The following BRSK2 variants were observed in gnomAD, a reference collection of about 807,000 sequenced individuals.
BRSK2 encodes the protein BR serine/threonine kinase 2, also known as serine/threonine-protein kinase BRSK2.
A neutral mutation model predicts 83.3 loss-of-function variants in BRSK2; 19 were observed. That is an observed-to-expected ratio of 0.23 (90% CI 0.16 to 0.33). The LOEUF is 0.33. Among genes scored for constraint, BRSK2 ranks in the 10% least tolerant of loss-of-function variants. BRSK2 has a pLI of 1.00. For synonymous variants in BRSK2, 519 were observed against 435.4 expected, an observed-to-expected ratio of 1.19 and a Z score of -2.39; for missense variants, 798 against 1,042.3, an observed-to-expected ratio of 0.77 and a Z score of 3.23.
Position 1,459,246 on chromosome 11 carries a change from A to G in BRSK2, c.1987+7A>G, listed in dbSNP as rs896054676. The G allele has an allele frequency of 2.5e-6, 4 of 1,613,404 alleles. No homozygotes were observed. The highest frequency in any genetic ancestry group is 3.4e-6 in the Non-Finnish European group (4 of 1,179,738). ...GGGCGGCTTTCCAAATGTGGTAAGA[A>G]TCCCCCACGCTCACCTGGCACCTCC... On this transcript the variant is annotated splice_region_variant and intron_variant, in intron 19 of 19. Transcript: ENST00000528841.
chr11:1,404,363 C>T (rs918731804), intron 1 of BRSK2, among the ~76,000 whole-genome samples: 4 of 152,162 alleles, frequency 2.6e-5, no homozygotes, highest in African/African-American at 9.7e-5. Flanking sequence ...GGAGTGGCCA[C>T]GGGAGGAGGC....
At chr11:1,456,063 C>G (rs1846490699) in intron 16 of BRSK2, among the ~76,000 whole-genome samples, 1 of 152,200 alleles carries the variant, frequency 6.6e-6, no homozygotes, top group Non-Finnish European at 1.5e-5. Flanking sequence ...CTTAAGGCTC[C>G]TCTGTAAGGT....
At chr11:1,397,883 G>A (rs1210886638) in intron 1 of BRSK2, among the ~76,000 whole-genome samples, 3 of 152,152 alleles carry the variant, frequency 2.0e-5, no homozygotes, top group African/African-American at 4.8e-5. Flanking sequence ...GGGCACCTTG[G>A]CCTGAGGGGG....
intron 1 of BRSK2, among the ~76,000 whole-genome samples, chr11:1,394,421 C>T (rs1219579810): frequency 1.2e-4 from 7 of 59,648 alleles, no homozygotes; most frequent in South Asian, 9.3e-4. Context: ...TGGAGATGGG[C>T]CATGGAGATG....
intron 12 of BRSK2, among the ~76,000 whole-genome samples, chr11:1,447,227 C>T (rs1282273219): frequency 6.6e-6 from 1 of 152,188 alleles, no homozygotes; most frequent in Non-Finnish European, 1.5e-5. Flanking sequence ...CCTTCAGTGG[C>T]CTGCATGTCA....
At chr11:1,397,715 G>T (rs1336611971) in intron 1 of BRSK2, among the ~76,000 whole-genome samples, 3 of 152,220 alleles carry the variant, frequency 2.0e-5, no homozygotes, top group Non-Finnish European at 1.5e-5. Flanking sequence ...TCCTTGGGCT[G>T]AGCTTGGGTC....
In BRSK2 at chr11:1,445,611, C is replaced by T. The variant is rs1460128365; in HGVS notation, c.1018C>T (p.Arg340Trp). Reference protein sequence around the residue: ...EKMIYFLLLDRKERYPSQEDE... With the variant: ...EKMIYFLLLDWKERYPSQEDE... The stretch of plus-strand genomic sequence containing the variant: ...GATGATTTACTTCCTCCTCCTGGAC[C>T]GGAAAGAAAGGTACCCGAGCCAGGA... Residue 340 changes from arginine (R) to tryptophan (W), a missense_variant, in exon 11 of 20, where the codon CGG becomes TGG. Coordinates refer to ENST00000528841, the MANE Select transcript of BRSK2 (RefSeq NM_001256627.2). 2.5e-6 allele frequency: 4 copies of T among 1,574,880 alleles called. No individual in the cohort carries two copies. The highest frequency in any genetic ancestry group is 3.7e-5 in the Admixed American group (2 of 53,342).
At chr11:1,393,815 T>C (rs1370734041) in intron 1 of BRSK2, among the ~76,000 whole-genome samples, 1 of 152,154 alleles carries the variant, frequency 6.6e-6, no homozygotes. Flanking sequence ...TTTAGAAAGT[T>C]GAGCAGGACG....
rs56369975 is a variant in BRSK2, at chr11:1,445,381, C to T, written c.900C>T (p.Pro300=). Reference sequence around the variant, plus strand: ...TGCCCAGCCTGGAGGACATCGACCCCGACGTGCTGGACAGCATGCACTCAC... The same window carrying T: ...TGCCCAGCCTGGAGGACATCGACCCTGACGTGCTGGACAGCATGCACTCAC... The part of the protein sequence containing the change: ...RSLPSLEDID[P]DVLDSMHSLG... Residue 300 remains proline (P), a synonymous_variant, in exon 10 of 20, where the codon CCC becomes CCT. Coordinates refer to ENST00000528841, the MANE Select transcript of BRSK2 (RefSeq NM_001256627.2). The T allele has an allele frequency of 9.1e-4, 1,463 of 1,611,910 alleles. 12 individuals are homozygous for T. In the East Asian group the frequency reaches 0.015, roughly 17 times the overall value.
rs962903829 is a variant in BRSK2 at position 1,450,892 on chromosome 11, C to T, written c.1495+98C>T. On this transcript the variant is annotated intron_variant, in intron 14 of 19. Transcript: ENST00000528841. Reference sequence around the variant, plus strand: ...GGCAGTGCCAGACCAGTCCGAGGGGCCTGTAGCTGCAGGGGTGGCCTGGGC... The same window carrying T: ...GGCAGTGCCAGACCAGTCCGAGGGGTCTGTAGCTGCAGGGGTGGCCTGGGC... 51 of 1,207,994 alleles carry T rather than the reference C, an allele frequency of 4.2e-5. No individual in the cohort carries two copies. In the African/African-American group the frequency reaches 7.6e-4, roughly 18 times the overall value. The allele number at this position is 1,207,994 out of a possible 1,614,324, so 74.8% of individuals were successfully genotyped here.
chr11:1,440,600 C>A (rs1297628029), intron 3 of BRSK2, among the ~76,000 whole-genome samples, 188 bp from the exon 4 acceptor site: 1 of 151,818 alleles, frequency 6.6e-6, no homozygotes, highest in Non-Finnish European at 1.5e-5. Context: ...TTGAGGTCCA[C>A]CCCCAGGAGC....
At chr11:1,408,524 C>G (rs1847073893) in intron 1 of BRSK2, among the ~76,000 whole-genome samples, 1 of 152,204 alleles carries the variant, frequency 6.6e-6, no homozygotes, top group Non-Finnish European at 1.5e-5. Context: ...CCAGGAGACA[C>G]CTGAGTGCTA....
rs755513724 is a variant in BRSK2 at position 1,456,707 on chromosome 11, G to A, written c.1939+20G>A. 30 of 1,573,980 alleles carry A rather than the reference G, an allele frequency of 1.9e-5. No individual in the cohort carries two copies. The highest frequency in any genetic ancestry group is 1.8e-4 in the East Asian group (8 of 43,258). On this transcript the variant is annotated intron_variant, in intron 18 of 19. Coordinates refer to ENST00000528841, the MANE Select transcript of BRSK2 (RefSeq NM_001256627.2). The stretch of plus-strand genomic sequence containing the variant: ...TGTCAGGTGAGGCGGGCTCAGCTCC[G>A]GCCAACCTGCGGCCTGCGAGTGGGG...
chr11:1,396,009 T>C (rs1846060349), intron 1 of BRSK2, among the ~76,000 whole-genome samples: 1 of 152,136 alleles, frequency 6.6e-6, no homozygotes, highest in Non-Finnish European at 1.5e-5. Flanking sequence ...CAGCTGGAGC[T>C]ACTATCAAGG....
chr11:1,415,102 T>TTTC (rs1478676697), intron 1 of BRSK2, among the ~76,000 whole-genome samples: 2 of 150,518 alleles, frequency 1.3e-5, no homozygotes, highest in East Asian at 3.9e-4. Context: ...ACCTTTTTTT[T>TTTC]TTTTTTTTTT....
At chr11:1,391,456 G>GA (rs1845728225) in intron 1 of BRSK2, among the ~76,000 whole-genome samples, 1 of 152,304 alleles carries the variant, frequency 6.6e-6, no homozygotes, top group Non-Finnish European at 1.5e-5. Flanking sequence ...AAGAAAGTGG[G>GA]CCAGGCCCAG....
At chr11:1,395,877 C>T (rs1846049683) in intron 1 of BRSK2, among the ~76,000 whole-genome samples, 1 of 152,342 alleles carries the variant, frequency 6.6e-6, no homozygotes, top group African/African-American at 2.4e-5. Context: ...CCGCCTGCTC[C>T]ACCATCTGCC....
At chr11:1,397,526 C>T (rs928473481) in intron 1 of BRSK2, among the ~76,000 whole-genome samples, 6 of 152,350 alleles carry the variant, frequency 3.9e-5, no homozygotes, top group South Asian at 2.1e-4. Context: ...CCTTCAGTCC[C>T]GGGGCCCACG....
intron 1 of BRSK2, among the ~76,000 whole-genome samples, chr11:1,391,915 C>T (rs1298386467): frequency 2.0e-5 from 3 of 151,936 alleles, no homozygotes; most frequent in African/African-American, 7.3e-5. Context: ...ATTCTGCTGG[C>T]GGCAGTTAAT....
Sources: gnomAD v4.1 joint callset for allele counts (sites outside exome capture counted in the v4.1 genomes callset) on GRCh38, gnomAD v4.1.1 for gene constraint, MANE v1.5 for transcripts, NCBI Gene and HGNC (gene_info 2026-07-23, HGNC 2026-07-21) for gene names.